The following RBSN variants were observed in gnomAD, a reference collection of about 807,000 sequenced individuals.
RBSN encodes rabenosyn-5.
Under a neutral mutation model 60.5 loss-of-function variants are expected in RBSN, and 34 were observed. The ratio of observed to expected loss-of-function variants is 0.56; its 90% CI spans 0.43 to 0.75. The LOEUF (loss-of-function observed/expected upper bound fraction) is 0.75, where lower values mean the gene tolerates loss of function less well. RBSN is among the 30% of genes least tolerant of loss of function. RBSN has a pLI of 0.00. For synonymous variants in RBSN, 322 were observed against 366.9 expected (o/e 0.88, Z 1.40); for missense variants, 845 against 986.8 (o/e 0.86, Z 1.92).
chr3:15,090,574 T>G, intron 4 of RBSN, 35 bp from the exon 5 acceptor site: 7 of 1,606,962 alleles, frequency 4.4e-6, no homozygotes, highest in Non-Finnish European at 4.2e-6. Flanking sequence ...AAATGAGCCA[T>G]GAAGAACACC....
chr3:15,087,312 C>CA (rs1029095388), intron 5 of RBSN, among the ~76,000 whole-genome samples: 4 of 152,106 alleles, frequency 2.6e-5, no homozygotes, highest in African/African-American at 7.2e-5. Context: ...GCCAGGAGTT[C>CA]AAGACCAGTC....
chr3:15,098,510 T>C (rs1398248428), intron 1 of RBSN, among the ~76,000 whole-genome samples: 1 of 132,672 alleles, frequency 7.5e-6, no homozygotes, highest in Non-Finnish European at 1.6e-5. Flanking sequence ...CAGCCGTACA[T>C]CCAGCATGAA....
intron 5 of RBSN, among the ~76,000 whole-genome samples, chr3:15,089,428 C>T (rs1447805474): frequency 2.3e-5 from 3 of 128,476 alleles, no homozygotes; most frequent in Non-Finnish European, 3.2e-5. Flanking sequence ...TGGACTCCAG[C>T]CTGGGTGACA....
intron 13 of RBSN, chr3:15,075,243 C>T (rs768810427): frequency 2.4e-5 from 14 of 576,276 alleles, no homozygotes; most frequent in African/African-American, 5.6e-5. Context: ...TGGAATCTCA[C>T]GCAGCGTTAA....
At position 15,071,390 on chromosome 3, in the gene RBSN, C is replaced by T. The variant is rs2042923117; in HGVS notation, c.*2392G>A. 1 of 152,218 alleles carries T rather than the reference C, an allele frequency of 6.6e-6. No individual in the cohort carries two copies. The highest frequency in any genetic ancestry group is 2.4e-5 in the African/African-American group (1 of 41,448). 9.4% of individuals were successfully genotyped at this position (152,218 alleles called of 1,614,324 possible). ...CCCTAAGCAGGGAGGAGCCTACTGG[C>T]CATCTGAGAAACCCTCTAGAGTAAC... On this transcript the variant is annotated 3_prime_UTR_variant, in exon 14 of 14. Transcript: ENST00000253699.
chr3:15,084,810 G>C lies in RBSN; in HGVS notation c.523C>G (p.Arg175Gly). 1 of 1,614,162 alleles carries C rather than the reference G, an allele frequency of 6.2e-7. No homozygotes were observed. Among genetic ancestry groups the C allele is most frequent in the South Asian group, 1.1e-5 (1 of 91,074 alleles). Residue 175 changes from arginine (R) to glycine (G), a missense_variant, in exon 8 of 14, where the codon CGC (arginine) becomes GGC (glycine). Arg to Gly is a moderately radical substitution (Grantham distance 125). Coordinates refer to ENST00000253699, the MANE Select transcript of RBSN (RefSeq NM_022340.4). The surrounding 1 kb of genome is among the most constrained non-coding windows in gnomAD (Gnocchi z 4.2). ...DCGNKFSIRN[R>G]RHHCRLCGSI... ...CCGCAGAGGCGGCAGTGGTGGCGGC[G>C]GTTCCGGATGCTGAACTTATTCCCA...
chr3:15,074,128 T>C lies in RBSN; in HGVS notation c.2009A>G (p.Glu670Gly), dbSNP rs1236068948. The C allele has an allele frequency of 1.2e-6, 2 of 1,614,094 alleles. No individual in the cohort carries two copies. The highest frequency in any genetic ancestry group is 3.3e-5 in the Admixed American group (2 of 60,004). The stretch of plus-strand genomic sequence containing the variant: ...TGGATTCCCTGCCACTGCTTCCTCC[T>C]CCTCGTCCTCTTCCTCGAAAGGATT... ...EYNPFEEEDE[E>G]EEAVAGNPFI... Residue 670 changes from glutamate (E) to glycine (G), a missense_variant, in exon 14 of 14, where the codon GAG (glutamate) becomes GGG (glycine). Physicochemically the swap from Glu to Gly is moderately conservative, Grantham distance 98. Coordinates refer to ENST00000253699, the MANE Select transcript of RBSN (RefSeq NM_022340.4). This position sits in a 1 kb window ranked among gnomAD's most constrained non-coding sequence, Gnocchi z 6.4.
At chr3:15,085,139 T>G in intron 6 of RBSN, 94 bp from the exon 7 acceptor site, 1 of 1,420,504 alleles carries the variant, frequency 7.0e-7, no homozygotes, top group South Asian at 1.2e-5. Flanking sequence ...TTAGCACATT[T>G]GCATTCCTCA....
rs775152579 is a variant in RBSN at position 15,074,519 on chromosome 3, C to T, written c.1618G>A (p.Ala540Thr). 1 of 1,614,190 alleles carries T rather than the reference C, an allele frequency of 6.2e-7. No homozygotes were observed. Among genetic ancestry groups the T allele is most frequent in the Non-Finnish European group, 8.5e-7 (1 of 1,180,038 alleles). The change falls in exon 14 of 14, where the codon GCA becomes ACA. Residue 540 changes from alanine to threonine, a missense_variant. Ala to Thr is a moderately conservative substitution (Grantham distance 58). Coordinates refer to ENST00000253699, the MANE Select transcript of RBSN (RefSeq NM_022340.4). The surrounding 1 kb of genome is among the most constrained non-coding windows in gnomAD (Gnocchi z 6.4). ...LEREREQFRV[A>T]SLHTRTRSLD... ...GACCGAGTCCGTGTGTGCAGGGATG[C>T]CACCCGAAACTGCTCCCTTTCTCGT...
chr3:15,082,447 G>C lies in RBSN; in HGVS notation c.760C>G (p.His254Asp). ...KDDDRIRCCTHCKDTLLKREQ... is the reference protein window; with the variant it reads ...KDDDRIRCCTDCKDTLLKREQ... ...CTCTTGAGCAGCGTGTCCTTGCAGT[G>C]TGTACAGCAGCGGATCCGGTCATCG... The change falls in exon 9 of 14, where the codon CAC becomes GAC. Residue 254 changes from histidine to aspartate, a missense_variant. Coordinates refer to ENST00000253699, the MANE Select transcript of RBSN (RefSeq NM_022340.4). The surrounding 1 kb of genome is among the most constrained non-coding windows in gnomAD (Gnocchi z 4.2). 6.2e-7 allele frequency: 1 copy of C among 1,614,194 alleles called. No individual in the cohort carries two copies. Among genetic ancestry groups the C allele is most frequent in the Non-Finnish European group, 8.5e-7 (1 of 1,180,030 alleles).
chr3:15,082,727 G>C lies in RBSN; in HGVS notation c.599-119C>G. 1 of 1,420,764 alleles carries C rather than the reference G, an allele frequency of 7.0e-7. No individual in the cohort carries two copies. Among genetic ancestry groups the C allele is most frequent in the South Asian group, 1.4e-5 (1 of 72,018 alleles). The allele number at this position is 1,420,764 out of a possible 1,614,324, so 88.0% of individuals were successfully genotyped here. A position where few individuals can be genotyped will look rare whatever the true frequency, so the allele number is the denominator to read the frequency against. On this transcript the variant is annotated intron_variant, in intron 8 of 13. Transcript: ENST00000253699. This position sits in a 1 kb window ranked among gnomAD's most constrained non-coding sequence, Gnocchi z 4.2. Reference sequence around the variant, plus strand: ...TGGAGAGTAATAAGATCAGGCTCCAGCTGTGGGCACGTACTGCCCCTCTGC... The same window carrying C: ...TGGAGAGTAATAAGATCAGGCTCCACCTGTGGGCACGTACTGCCCCTCTGC...
Position 15,074,835 on chromosome 3 carries a change from A to G in RBSN, c.1302T>C (p.Pro434=), listed in dbSNP as rs981206507. ...AGCCCTCAGCCTTTCTCAAGGGGGC[A>G]GGGCCCCTGCGGAGAGATGCCACCT... is the stretch of plus-strand genomic sequence containing the variant. ...NGEVASLRRG[P]APLRKAEGWL... is the part of the protein sequence containing the mutation. Residue 434 remains proline (P), a synonymous_variant, in exon 14 of 14, where the codon CCT becomes CCC. Transcript: ENST00000253699. The surrounding 1 kb of genome is among the most constrained non-coding windows in gnomAD (Gnocchi z 6.4). The G allele has an allele frequency of 8.1e-6, 13 of 1,614,206 alleles. No individual in the cohort carries two copies. The highest frequency in any genetic ancestry group is 1.3e-5 in the African/African-American group (1 of 75,078).
At position 15,077,083 on chromosome 3, in the gene RBSN, G is replaced by C; in HGVS notation, c.1080C>G (p.Tyr360Ter). ...SNLRLQRMIR[Y>*]SATLFVQEKL... ...TTACCTGCACAAAAAGTGTAGCTGAGTATCTGATCATTCTCTGCAGCCGCA... is the reference window on the plus strand; with the variant it reads ...TTACCTGCACAAAAAGTGTAGCTGACTATCTGATCATTCTCTGCAGCCGCA... Residue 360 changes from tyrosine to a stop codon, truncating the protein, a stop_gained, in exon 12 of 14, where the codon TAC becomes TAG. Transcript: ENST00000253699. LOFTEE classifies it high-confidence loss of function. The surrounding 1 kb of genome is among the most constrained non-coding windows in gnomAD (Gnocchi z 4.4). 1 of 1,614,146 alleles carries C rather than the reference G, an allele frequency of 6.2e-7. No individual in the cohort carries two copies. The highest frequency in any genetic ancestry group is 8.5e-7 in the Non-Finnish European group (1 of 1,179,994).
intron 5 of RBSN, 192 bp from the exon 6 acceptor site, chr3:15,086,153 C>T: frequency 3.8e-6 from 2 of 522,190 alleles, no homozygotes; most frequent in Non-Finnish European, 3.4e-6. Context: ...ATCCCAGCTC[C>T]TTGGGAGGCC....
intron 6 of RBSN, among the ~76,000 whole-genome samples, chr3:15,085,377 A>T (rs371203558): frequency 5.3e-5 from 8 of 152,182 alleles, no homozygotes; most frequent in East Asian, 3.8e-4. Flanking sequence ...TGGACCCTAA[A>T]ACTGGCCACA....
At chr3:15,097,476 T>C (rs1352892248) in intron 2 of RBSN, among the ~76,000 whole-genome samples, 4 of 152,008 alleles carry the variant, frequency 2.6e-5, no homozygotes, top group African/African-American at 4.8e-5. Flanking sequence ...GATCATGCCA[T>C]TGCACTCCAG....
chr3:15,091,364 T>C, intron 4 of RBSN: 3 of 1,113,214 alleles, frequency 2.7e-6, no homozygotes, highest in Non-Finnish European at 3.4e-6. Flanking sequence ...CAGCTAAACC[T>C]CCATCCGTGG....
At position 15,077,965 on chromosome 3, in the gene RBSN, C is replaced by T. The variant is rs1320818916; in HGVS notation, c.998+110G>A. On this transcript the variant is annotated intron_variant, in intron 11 of 13. Transcript: ENST00000253699. The surrounding 1 kb of genome is among the most constrained non-coding windows in gnomAD (Gnocchi z 4.4). ...CCTTCCTTGCCCTCCTCCTCACCCA[C>T]TGCCCCATCACCAGAAGTCTGAGTG... The T allele has an allele frequency of 1.1e-6, 1 of 927,164 alleles. No individual in the cohort carries two copies. 57.4% of individuals were successfully genotyped at this position (927,164 alleles called of 1,614,324 possible). A position where few individuals can be genotyped will look rare whatever the true frequency, so the allele number is the denominator to read the frequency against.
At chr3:15,083,361 C>T (rs1214697493) in intron 8 of RBSN, among the ~76,000 whole-genome samples, 1 of 152,190 alleles carries the variant, frequency 6.6e-6, no homozygotes, top group Non-Finnish European at 1.5e-5. Flanking sequence ...ATTATCCAGA[C>T]ACCCCATGGC....
Sources: allele counts gnomAD v4.1 joint callset (sites outside exome capture counted in the v4.1 genomes callset), GRCh38; gene constraint gnomAD v4.1.1; non-coding constraint Gnocchi (gnomAD v3.1); transcripts MANE v1.5; gene names NCBI Gene and HGNC (gene_info 2026-07-23, HGNC 2026-07-21).